OGT: variants seen among roughly 807,000 people sequenced by gnomAD.
OGT encodes the protein UDP-N-acetylglucosamine--peptide N-acetylglucosaminyltransferase 110 kDa subunit.
Under a neutral mutation model 75.8 loss-of-function variants are expected in OGT, and 3 were observed. The observed-to-expected ratio is 0.04, with a 90% CI of 0.02 to 0.10. The LOEUF (loss-of-function observed/expected upper bound fraction) is 0.10, where lower values mean the gene tolerates loss of function less well. Ranked by LOEUF, OGT falls within the 10% of genes least tolerant of loss-of-function variation. The pLI, the probability that OGT is intolerant of heterozygous loss-of-function variation, is 1.00. For synonymous variants in OGT, 257 were observed against 289.7 expected (o/e 0.89, Z 1.15); for missense variants, 260 against 824.4 (o/e 0.32, Z 8.38).
Position 71,538,088 on chromosome X carries a change from A to G in OGT, c.462+16A>G, listed in dbSNP as rs373260917. 143 of 1,199,352 alleles carry G rather than the reference A, an allele frequency of 1.2e-4. No individual in the cohort carries two copies. The highest frequency in any genetic ancestry group is 1.6e-4 in the Non-Finnish European group (139 of 886,719). On this transcript the variant is annotated intron_variant, in intron 3 of 21. Transcript: ENST00000373719. ...GTACAATCCTGTGAGTAAAATTTTA[A>G]TGGTTACTTTCCCTTCCTAGAAACC...
intron 19 of OGT, among the ~76,000 whole-genome samples, chrX:71,566,365 GA>G (rs1336208815): frequency 8.9e-6 from 1 of 112,059 alleles, no homozygotes; most frequent in Middle Eastern, 4.2e-3. Flanking sequence ...ATTTATAAAG[GA>G]AAGAGGTTTA....
intron 4 of OGT, chrX:71,546,328 T>C (rs978018173): frequency 2.7e-6 from 2 of 754,368 alleles, no homozygotes; most frequent in African/African-American, 2.3e-5. Flanking sequence ...TTTTTCACCA[T>C]TGATATTGTA....
chrX:71,549,998 A>T lies in OGT; in HGVS notation c.648+1975A>T, dbSNP rs376316757. 1.2e-4 allele frequency among the ~76,000 whole-genome samples: 14 copies of T among 112,308 alleles called. No homozygotes were observed. In the East Asian group the frequency reaches 2.8e-3, roughly 22 times the overall value. ...AGATGCAGACTTGAGCATCAATAGG[A>T]ATAATAACTGAAATATACTAAAACT... is the stretch of plus-strand genomic sequence containing the variant. On this transcript the variant is annotated intron_variant, in intron 5 of 21. Transcript: ENST00000373719.
chrX:71,536,479 G>T, intron 2 of OGT, 121 bp downstream of exon 2: 1 of 522,257 alleles, frequency 1.9e-6, no homozygotes, highest in Non-Finnish European at 2.9e-6. Flanking sequence ...AGCCGCCAAC[G>T]CACATCTGCT....
chrX:71,546,162 C>T, intron 4 of OGT: 1 of 754,309 alleles, frequency 1.3e-6, no homozygotes, highest in Non-Finnish European at 1.6e-6. Context: ...CTGCTGTATG[C>T]AATAGCCCTG....
chrX:71,544,277 A>G (rs774261997), intron 3 of OGT, among the ~76,000 whole-genome samples: 1 of 112,163 alleles, frequency 8.9e-6, no homozygotes, highest in East Asian at 2.8e-4. Flanking sequence ...TTAGTAAAAC[A>G]CATTTATATT....
Position 71,573,714 on chromosome X carries a change from C to A in OGT, c.3061C>A (p.Leu1021Ile), listed in dbSNP as rs1397291836. 8.3e-7 allele frequency: 1 copy of A among 1,209,765 alleles called. No individual in the cohort carries two copies. Among genetic ancestry groups the A allele is most frequent in the Non-Finnish European group, 1.1e-6 (1 of 893,823 alleles). The change falls in exon 22 of 22, where the codon CTA (leucine) becomes ATA (isoleucine). Residue 1021 changes from leucine to isoleucine, a missense_variant. Transcript: ENST00000373719. ...QYTMELERLY[L>I]QMWEHYAAGN... ...CACAATGGAACTAGAGCGGCTCTAT[C>A]TACAGATGTGGGAGCATTATGCAGC...
intron 5 of OGT, chrX:71,553,746 C>T (rs146434149): frequency 0.026 from 2,965 of 112,081 alleles, 46 homozygotes; most frequent in Non-Finnish European, 0.037. Context: ...TCCCAAAGTA[C>T]TGGGATTACA....
intron 1 of OGT, among the ~76,000 whole-genome samples, 193 bp downstream of exon 1, chrX:71,533,529 C>G (rs766144880): frequency 8.9e-5 from 10 of 111,982 alleles, no homozygotes; most frequent in Non-Finnish European, 1.7e-4. Flanking sequence ...AACATTTCCT[C>G]CTCCTCCCTT....
intron 1 of OGT, among the ~76,000 whole-genome samples, chrX:71,534,109 G>A (rs752595107): frequency 9.1e-6 from 1 of 110,358 alleles, no homozygotes; most frequent in South Asian, 4.0e-4. Context: ...CCTATCCTTG[G>A]GGGAGAAACC....
chrX:71,552,512 C>T (rs1320830393), intron 5 of OGT, among the ~76,000 whole-genome samples: 5 of 108,087 alleles, frequency 4.6e-5, no homozygotes, highest in African/African-American at 1.4e-4. Flanking sequence ...CCTCAGCCTC[C>T]GGAGTAGGTG....
intron 5 of OGT, 81 bp from the exon 6 acceptor site, chrX:71,554,432 G>A (rs1602146869): frequency 1.5e-5 from 9 of 617,204 alleles, no homozygotes; most frequent in Non-Finnish European, 2.4e-5. Flanking sequence ...AAGGACCTTG[G>A]AGTAAAAAAA....
intron 5 of OGT, among the ~76,000 whole-genome samples, chrX:71,552,254 C>T (rs764044739): frequency 3.6e-5 from 4 of 110,183 alleles, no homozygotes; most frequent in Non-Finnish European, 7.6e-5. Flanking sequence ...AGTGACACTC[C>T]GTCTCCAAAA....
At chrX:71,543,256 C>T in intron 3 of OGT, among the ~76,000 whole-genome samples, 1 of 111,684 alleles carries the variant, frequency 9.0e-6, no homozygotes. Flanking sequence ...CTCTTTCACC[C>T]ATGGAACAGT....
At chrX:71,549,403 G>A (rs2040286589) in intron 5 of OGT, among the ~76,000 whole-genome samples, 1 of 110,088 alleles carries the variant, frequency 9.1e-6, no homozygotes, top group South Asian at 3.9e-4. Context: ...TGGGTGTATC[G>A]GGACATAACC....
intron 4 of OGT, chrX:71,546,253 G>C: frequency 5.3e-6 from 4 of 754,058 alleles, no homozygotes; most frequent in Non-Finnish European, 6.3e-6. Context: ...GACATCCAAA[G>C]AATTTCAATT....
chrX:71,547,874 C>T (rs753386865), intron 4 of OGT, 33 bp from the exon 5 acceptor site: 1 of 1,019,409 alleles, frequency 9.8e-7, no homozygotes, highest in South Asian at 1.9e-5. Context: ...TACCTCCTTT[C>T]CCTCCCATCT....
chrX:71,557,130 G>A (rs748318334), intron 10 of OGT, 25 bp downstream of exon 10: 2 of 1,202,338 alleles, frequency 1.7e-6, no homozygotes, highest in Admixed American at 4.4e-5. Context: ...TATAATATGT[G>A]CAGTTTAACA....
chrX:71,547,753 T>G (rs1160601749), intron 4 of OGT, 154 bp from the exon 5 acceptor site: 1 of 1,109,852 alleles, frequency 9.0e-7, no homozygotes, highest in Non-Finnish European at 1.2e-6. Context: ...CAAGCGAGCC[T>G]ATGCTGCAGG....
Sources: allele counts gnomAD v4.1 joint callset (sites outside exome capture counted in the v4.1 genomes callset), GRCh38; gene constraint gnomAD v4.1.1; transcripts MANE v1.5; gene names NCBI Gene and HGNC (gene_info 2026-07-23, HGNC 2026-07-21).